The following ADCY2 variants were observed in gnomAD, a reference collection of about 807,000 sequenced individuals.
The protein encoded by ADCY2 is adenylate cyclase 2.
In ADCY2, 31 loss-of-function variants were observed where a neutral mutation model predicts 125.2. The observed-to-expected ratio is 0.25, with a 90% confidence interval of 0.19 to 0.33. ADCY2 has a LOEUF of 0.33. Among genes scored for constraint, ADCY2 ranks in the 10% least tolerant of loss-of-function variants. The pLI is 1.00. For synonymous variants in ADCY2, 512 were observed against 548.4 expected (o/e 0.93, Z 0.93); for missense variants, 904 against 1,418.2 (o/e 0.64, Z 5.82).
At chr5:7,589,482 G>GAA (rs1736757402) in intron 3 of ADCY2, among the ~76,000 whole-genome samples, 3 of 53,308 alleles carry the variant, frequency 5.6e-5, no homozygotes, top group Non-Finnish European at 9.4e-5. Flanking sequence ...AAGAAAGAAA[G>GAA]AAAGAAAGAA....
At chr5:7,716,938 A>C (rs1016647599) in intron 11 of ADCY2, among the ~76,000 whole-genome samples, 1 of 152,226 alleles carries the variant, frequency 6.6e-6, no homozygotes, top group Non-Finnish European at 1.5e-5. Context: ...AATTCAAAGT[A>C]GTCAGAAGAG....
At chr5:7,598,195 C>A (rs1737073493) in intron 3 of ADCY2, among the ~76,000 whole-genome samples, 2 of 152,166 alleles carry the variant, frequency 1.3e-5, no homozygotes, top group African/African-American at 4.8e-5. Context: ...CCTACAGTCA[C>A]TTCCGTAGTG....
intron 19 of ADCY2, among the ~76,000 whole-genome samples, chr5:7,785,123 T>C (rs114396452): frequency 5.9e-5 from 9 of 152,194 alleles, no homozygotes; most frequent in Admixed American, 5.2e-4. Flanking sequence ...TGAAGCGTGG[T>C]GTGAAACAAA....
At chr5:7,770,122 C>G (rs1229673434) in intron 17 of ADCY2, among the ~76,000 whole-genome samples, 1 of 152,128 alleles carries the variant, frequency 6.6e-6, no homozygotes, top group Non-Finnish European at 1.5e-5. Flanking sequence ...TTCTAGAAAG[C>G]CATTTAACAG....
At chr5:7,631,837 C>T (rs1386270790) in intron 4 of ADCY2, among the ~76,000 whole-genome samples, 1 of 152,098 alleles carries the variant, frequency 6.6e-6, no homozygotes, top group African/African-American at 2.4e-5. Context: ...GCTTTGTCTG[C>T]TTGGACATGT....
intron 4 of ADCY2, among the ~76,000 whole-genome samples, chr5:7,630,778 C>T (rs144165280): frequency 7.3e-5 from 11 of 150,032 alleles, no homozygotes; most frequent in African/African-American, 2.2e-4. Flanking sequence ...TTCTCTCTCT[C>T]TCTCCTTGTC....
intron 8 of ADCY2, 52 bp downstream of exon 8, chr5:7,706,954 T>A (rs758927191): frequency 1.2e-6 from 2 of 1,604,010 alleles, no homozygotes; most frequent in Non-Finnish European, 1.7e-6. Context: ...CTATTAGGAA[T>A]GACAGATTAT....
At chr5:7,754,896 C>CA (rs1209320118) in intron 15 of ADCY2, among the ~76,000 whole-genome samples, 1 of 151,536 alleles carries the variant, frequency 6.6e-6, no homozygotes, top group African/African-American at 2.4e-5. Flanking sequence ...CAAAACAAAA[C>CA]AAAAAACCTT....
At chr5:7,635,726 G>C (rs1324960437) in intron 4 of ADCY2, among the ~76,000 whole-genome samples, 1 of 152,140 alleles carries the variant, frequency 6.6e-6, no homozygotes, top group East Asian at 1.9e-4. Context: ...AGATAAAAAG[G>C]GTCCAGGACC....
intron 2 of ADCY2, among the ~76,000 whole-genome samples, chr5:7,508,919 C>T (rs1414881889): frequency 6.6e-6 from 1 of 152,290 alleles, no homozygotes; most frequent in South Asian, 2.1e-4. Context: ...TGATTCCAGG[C>T]CCAAGGAACA....
intron 24 of ADCY2, among the ~76,000 whole-genome samples, chr5:7,826,325 T>C (rs1194612664): frequency 1.3e-5 from 2 of 152,156 alleles, no homozygotes; most frequent in African/African-American, 4.8e-5. Context: ...CAATCTATTT[T>C]GGTTTACTCT....
intron 3 of ADCY2, among the ~76,000 whole-genome samples, chr5:7,536,367 A>G (rs562606790): frequency 6.6e-6 from 1 of 152,310 alleles, no homozygotes; most frequent in South Asian, 2.1e-4. Flanking sequence ...ACAGGGGTGG[A>G]TGGATCCCAG....
chr5:7,570,639 G>C, intron 3 of ADCY2, among the ~76,000 whole-genome samples: 1 of 105,178 alleles, frequency 9.5e-6, no homozygotes, highest in African/African-American at 2.8e-5. Context: ...AAAAAAAAAT[G>C]CTTGTGTTTG....
At chr5:7,766,564 A>C (rs1743385868) in intron 16 of ADCY2, 123 bp from the exon 17 acceptor site, 2 of 914,398 alleles carry the variant, frequency 2.2e-6, no homozygotes, top group Non-Finnish European at 3.3e-6. Context: ...GAAATTCCCG[A>C]GTCCACATAA....
chr5:7,559,767 A>G (rs1425204296), intron 3 of ADCY2, among the ~76,000 whole-genome samples: 1 of 152,162 alleles, frequency 6.6e-6, no homozygotes, highest in Non-Finnish European at 1.5e-5. Flanking sequence ...TTCAAGGGGA[A>G]TGCTTCTGGC....
At position 7,650,217 on chromosome 5, in the gene ADCY2, G is replaced by GACACACACACAC. The variant is rs3073883; in HGVS notation, c.720+23921_720+23932dup. On this transcript the variant is annotated intron_variant, in intron 4 of 24. Transcript: ENST00000338316. ...GGTCACAAGTCCACGTGCAGGCACA[G>GACACACACACAC]ACACACACACACACACACACACACA... Among the ~76,000 whole-genome samples the GACACACACACAC allele has an allele frequency of 6.3e-3, 933 of 147,874 alleles. 8 individuals carry two copies. Among genetic ancestry groups the GACACACACACAC allele is most frequent in the African/African-American group, 0.018 (707 of 39,746 alleles).
chr5:7,775,840 C>T lies in ADCY2; in HGVS notation c.2384+2739C>T, dbSNP rs62342490. The stretch of plus-strand genomic sequence containing the variant: ...TGAACTGATCCCTGAACGGGCTGCA[C>T]GATATTATCAGAAGCATCTTCAATG... On this transcript the variant is annotated intron_variant, in intron 18 of 24. Transcript: ENST00000338316. Among the ~76,000 whole-genome samples, 204 of 152,266 alleles carry T rather than the reference C, an allele frequency of 1.3e-3. 1 individual carries two copies. Among genetic ancestry groups the T allele is most frequent in the South Asian group, 9.3e-3 (45 of 4,820 alleles).
chr5:7,649,452 G>C (rs947592227), intron 4 of ADCY2, among the ~76,000 whole-genome samples: 7 of 152,234 alleles, frequency 4.6e-5, no homozygotes, highest in African/African-American at 1.7e-4. Flanking sequence ...CATTTCTAGA[G>C]AGAGGAAGAG....
intron 4 of ADCY2, among the ~76,000 whole-genome samples, chr5:7,637,109 T>G (rs572991844): frequency 6.6e-6 from 1 of 152,184 alleles, no homozygotes; most frequent in Non-Finnish European, 1.5e-5. Flanking sequence ...TTTCCTAATA[T>G]GTTGTATTCT....
Sources: gnomAD v4.1 joint callset for allele counts (sites outside exome capture counted in the v4.1 genomes callset) on GRCh38, gnomAD v4.1.1 for gene constraint, MANE v1.5 for transcripts, NCBI Gene and HGNC (gene_info 2026-07-23, HGNC 2026-07-21) for gene names.